The following PDE10A variants were observed in gnomAD, a reference collection of about 807,000 sequenced individuals.
PDE10A encodes phosphodiesterase 10A.
In PDE10A, 39 loss-of-function variants were observed where a neutral mutation model predicts 97.7. That is an observed-to-expected ratio of 0.40 (90% CI 0.31 to 0.52). The LOEUF (loss-of-function observed/expected upper bound fraction) is 0.52, where lower values mean the gene tolerates loss of function less well. Ranked by LOEUF, PDE10A falls within the 20% of genes least tolerant of loss-of-function variation. PDE10A has a pLI of 0.56. For synonymous variants in PDE10A, 371 were observed against 376.8 expected (o/e 0.98, Z 0.18); for missense variants, 731 against 1,047.8 (o/e 0.70, Z 4.17).
intron 1 of PDE10A, among the ~76,000 whole-genome samples, chr6:165,901,593 C>A (rs925327624): frequency 2.0e-5 from 3 of 152,056 alleles, no homozygotes; most frequent in Admixed American, 2.0e-4. Context: ...ACCTGAGGTC[C>A]GGAGTTTGAG....
chr6:165,987,933 C>T (rs1015238848), exon 1 of PDE10A: 10 of 374,808 alleles, frequency 2.7e-5, no homozygotes, highest in African/African-American at 2.1e-4. Flanking sequence ...CAACTTCGGA[C>T]TCAGACCTCT....
intron 1 of PDE10A, among the ~76,000 whole-genome samples, chr6:165,688,857 T>C (rs1030228378): frequency 6.6e-6 from 1 of 152,062 alleles, no homozygotes; most frequent in Non-Finnish European, 1.5e-5. Context: ...TCTGTGTGAG[T>C]GTGTGAGTGT....
intron 1 of PDE10A, among the ~76,000 whole-genome samples, chr6:165,557,891 A>G (rs1484200442): frequency 6.6e-6 from 1 of 152,226 alleles, no homozygotes; most frequent in African/African-American, 2.4e-5. Flanking sequence ...CGATAAGGGT[A>G]CAATGAACAG....
At chr6:165,865,561 T>C (rs1781019046) in intron 1 of PDE10A, among the ~76,000 whole-genome samples, 1 of 152,004 alleles carries the variant, frequency 6.6e-6, no homozygotes, top group Admixed American at 6.6e-5. Flanking sequence ...ATGATCTGAA[T>C]TAGAAATTCA....
chr6:165,391,735 C>G (rs2128215249), intron 16 of PDE10A, among the ~76,000 whole-genome samples: 1 of 151,984 alleles, frequency 6.6e-6, no homozygotes, highest in Admixed American at 6.6e-5. Flanking sequence ...TATTTTTTTC[C>G]TAGAATGCAT....
At chr6:165,723,435 T>C (rs374471171) in intron 1 of PDE10A, among the ~76,000 whole-genome samples, 74 of 152,212 alleles carry the variant, frequency 4.9e-4, no homozygotes, top group Middle Eastern at 3.4e-3. Flanking sequence ...CTGCAAAAAA[T>C]AGTGCGGTTT....
intron 18 of PDE10A, among the ~76,000 whole-genome samples, chr6:165,375,045 G>A (rs1784529743): frequency 6.6e-6 from 1 of 152,060 alleles, no homozygotes; most frequent in East Asian, 1.9e-4. Flanking sequence ...CCACCAACTG[G>A]CTGTTCCCCC....
At chr6:165,560,929 T>G (rs1054912826) in intron 1 of PDE10A, among the ~76,000 whole-genome samples, 4 of 152,054 alleles carry the variant, frequency 2.6e-5, no homozygotes, top group African/African-American at 9.7e-5. Context: ...TTTAAAAGTG[T>G]GTAGCATGGG....
chr6:165,837,666 T>G (rs1326627579), intron 1 of PDE10A, among the ~76,000 whole-genome samples: 5 of 145,182 alleles, frequency 3.4e-5, no homozygotes, highest in South Asian at 2.3e-4. Flanking sequence ...CTGGTTTTTT[T>G]TTTTTTTTTT....
At position 165,443,997 on chromosome 6, in the gene PDE10A, G is replaced by C. The variant is rs548288670; in HGVS notation, c.1194+4931C>G. 2.6e-4 allele frequency among the ~76,000 whole-genome samples: 40 copies of C among 152,248 alleles called. No homozygotes were observed. In the South Asian group the frequency reaches 8.3e-3, roughly 32 times the overall value. On this transcript the variant is annotated intron_variant, in intron 5 of 21. Coordinates refer to ENST00000539869, the MANE Select transcript of PDE10A (RefSeq NM_001385079.1). ...GGCTTGAATTTCTCCACAGAAAATCGGTTTGTCCTTTCTACAACACGGTCA... is the reference window on the plus strand; with the variant it reads ...GGCTTGAATTTCTCCACAGAAAATCCGTTTGTCCTTTCTACAACACGGTCA...
At chr6:165,898,422 T>C (rs1782015637) in intron 1 of PDE10A, among the ~76,000 whole-genome samples, 2 of 152,024 alleles carry the variant, frequency 1.3e-5, no homozygotes, top group South Asian at 2.1e-4. Flanking sequence ...GAAGTCCATA[T>C]TGGAACTCCA....
At chr6:165,513,427 A>C (rs1781618200) in intron 2 of PDE10A, among the ~76,000 whole-genome samples, 1 of 152,110 alleles carries the variant, frequency 6.6e-6, no homozygotes, top group Admixed American at 6.6e-5. Context: ...AAATAAACTA[A>C]CATACAGTGT....
intron 1 of PDE10A, among the ~76,000 whole-genome samples, chr6:165,785,782 G>A (rs367887978): frequency 1.3e-5 from 2 of 152,180 alleles, no homozygotes; most frequent in Non-Finnish European, 2.9e-5. Flanking sequence ...CTGCATGTTA[G>A]CATCGCCTGG....
At chr6:165,766,161 T>C (rs1327830393) in intron 1 of PDE10A, among the ~76,000 whole-genome samples, 1 of 144,260 alleles carries the variant, frequency 6.9e-6, no homozygotes, top group Admixed American at 6.7e-5. Context: ...CAAGTGACTG[T>C]CGGTGTGAGA....
chr6:165,429,573 T>A (rs1789406719), intron 9 of PDE10A, among the ~76,000 whole-genome samples: 1 of 152,098 alleles, frequency 6.6e-6, no homozygotes, highest in Non-Finnish European at 1.5e-5. Context: ...ACATAACATG[T>A]CATCGTTGTT....
At chr6:165,650,541 A>AC (rs1789630327) in intron 1 of PDE10A, among the ~76,000 whole-genome samples, 2 of 152,120 alleles carry the variant, frequency 1.3e-5, no homozygotes, top group Admixed American at 1.3e-4. Flanking sequence ...TTTTTCACAT[A>AC]ACGGTGTATC....
At chr6:165,737,312 C>A (rs1228529358) in intron 1 of PDE10A, among the ~76,000 whole-genome samples, 2 of 152,022 alleles carry the variant, frequency 1.3e-5, no homozygotes, top group Non-Finnish European at 2.9e-5. Context: ...TACTTTAATA[C>A]CAAAGTCAGA....
intron 1 of PDE10A, among the ~76,000 whole-genome samples, chr6:165,943,328 A>AGAAAGAAAG (rs1783640187): frequency 1.3e-5 from 1 of 79,322 alleles, no homozygotes; most frequent in Non-Finnish European, 2.5e-5. Flanking sequence ...GGAAAGAAAG[A>AGAAAGAAAG]AAAAGAAAGA....
chr6:165,604,122 A>T (rs1027137166), intron 1 of PDE10A, among the ~76,000 whole-genome samples: 1 of 152,206 alleles, frequency 6.6e-6, no homozygotes, highest in African/African-American at 2.4e-5. Context: ...CCATCCTAAC[A>T]CCCATTTCTT....
Sources: allele counts gnomAD v4.1 joint callset (sites outside exome capture counted in the v4.1 genomes callset), GRCh38; gene constraint gnomAD v4.1.1; transcripts MANE v1.5; gene names NCBI Gene and HGNC (gene_info 2026-07-23, HGNC 2026-07-21).